ZDHHC9: variants seen among roughly 807,000 people sequenced by gnomAD.
ZDHHC9 encodes the protein palmitoyltransferase ZDHHC9.
A neutral mutation model predicts 26.6 loss-of-function variants in ZDHHC9; 3 were observed. That is an observed-to-expected ratio of 0.11 (90% CI 0.05 to 0.29). The LOEUF is 0.29. Ranked by LOEUF, ZDHHC9 falls within the 10% of genes least tolerant of loss-of-function variation. ZDHHC9 has a pLI of 1.00. For missense variants in ZDHHC9, 146 were observed against 296.4 expected (o/e 0.49, Z 3.73); for synonymous variants, 111 against 109.4 (o/e 1.01, Z -0.09).
Position 129,806,427 on chromosome X carries a change from C to T in ZDHHC9, c.1038G>A (p.Glu346=), listed in dbSNP as rs1283555957. Residue 346 remains glutamate (E), a synonymous_variant, in exon 11 of 11, where the codon GAG becomes GAA. Transcript: ENST00000357166. ...GCTCTGGGGGCTCTGGAGGTGGCAT[C>T]TCTTCGGGAGTGCTGCTGTCCTCCG... ...EMPEDSSTPE[E]MPPPEPPEPP... is the part of the protein sequence containing the mutation. 2 of 1,211,917 alleles carry T rather than the reference C, an allele frequency of 1.7e-6. No individual in the cohort carries two copies. Among genetic ancestry groups the T allele is most frequent in the Admixed American group, 2.2e-5 (1 of 46,034 alleles).
chrX:129,838,001 C>T (rs1928297388), intron 3 of ZDHHC9, among the ~76,000 whole-genome samples: 1 of 112,326 alleles, frequency 8.9e-6, no homozygotes, highest in Non-Finnish European at 1.9e-5. Flanking sequence ...ATGTGTTCAT[C>T]GCACAAGCTG....
At chrX:129,828,835 CGGGGT>C in intron 4 of ZDHHC9, 141 bp downstream of exon 4, 1 of 785,887 alleles carries the variant, frequency 1.3e-6, no homozygotes, top group African/African-American at 2.0e-5. Context: ...ACTAAATTCA[CGGGGT>C]AGTCATGATC....
chrX:129,833,949 C>T (rs1433125922), intron 3 of ZDHHC9, among the ~76,000 whole-genome samples: 3 of 112,100 alleles, frequency 2.7e-5, no homozygotes, highest in Non-Finnish European at 5.6e-5. Context: ...GGCCATCTGT[C>T]CTCTTACTAC....
intron 3 of ZDHHC9, among the ~76,000 whole-genome samples, chrX:129,838,014 T>G (rs1928297954): frequency 8.9e-6 from 1 of 112,397 alleles, no homozygotes; most frequent in Non-Finnish European, 1.9e-5. Flanking sequence ...ACAAGCTGGA[T>G]AGAGCTTAAG....
chrX:129,821,160 G>A (rs1050155031), intron 5 of ZDHHC9, among the ~76,000 whole-genome samples: 20 of 111,849 alleles, frequency 1.8e-4, no homozygotes, highest in Non-Finnish European at 3.2e-4. Context: ...GCAAGGTTGC[G>A]GGGAAATAGG....
At chrX:129,835,598 C>T (rs1466315481) in intron 3 of ZDHHC9, among the ~76,000 whole-genome samples, 3 of 110,902 alleles carry the variant, frequency 2.7e-5, no homozygotes, top group Non-Finnish European at 5.7e-5. Context: ...GCCTGGCCAA[C>T]ACGGAGAAAC....
At position 129,805,819 on chromosome X, in the gene ZDHHC9, C is replaced by T. The variant is rs1294143763; in HGVS notation, c.*551G>A. On this transcript the variant is annotated 3_prime_UTR_variant, in exon 11 of 11. Coordinates refer to ENST00000357166, the MANE Select transcript of ZDHHC9 (RefSeq NM_016032.4). ...TAATAAATACAACAAGTGGAAGGTA[C>T]CTGTCCCATTCCTAAAAGGATTTGT... 13 of 118,663 alleles carry T rather than the reference C, an allele frequency of 1.1e-4. No individual in the cohort carries two copies. Among genetic ancestry groups the T allele is most frequent in the African/African-American group, 3.3e-4 (10 of 30,571 alleles). 9.8% of individuals were successfully genotyped at this position (118,663 alleles called of 1,213,427 possible). A position where few individuals can be genotyped will look rare whatever the true frequency, so the allele number is the denominator to read the frequency against.
At chrX:129,833,917 A>G (rs185873258) in intron 3 of ZDHHC9, among the ~76,000 whole-genome samples, 2 of 111,972 alleles carry the variant, frequency 1.8e-5, no homozygotes, top group Admixed American at 9.4e-5. Flanking sequence ...AGCCTTTGCT[A>G]TAATACCTCC....
chrX:129,829,238 G>T, intron 3 of ZDHHC9, 97 bp from the exon 4 acceptor site: 3 of 978,007 alleles, frequency 3.1e-6, no homozygotes, highest in Non-Finnish European at 2.9e-6. Context: ...AACAGAATCA[G>T]CAGCACCTCA....
intron 3 of ZDHHC9, among the ~76,000 whole-genome samples, chrX:129,830,039 G>T (rs1928107193): frequency 8.9e-6 from 1 of 112,069 alleles, no homozygotes; most frequent in Non-Finnish European, 1.9e-5. Flanking sequence ...GATAGATGAA[G>T]AATCTGAGAC....
At chrX:129,810,050 T>C (rs1469057197) in intron 10 of ZDHHC9, among the ~76,000 whole-genome samples, 1 of 106,711 alleles carries the variant, frequency 9.4e-6, no homozygotes, top group Non-Finnish European at 1.9e-5. Flanking sequence ...ATAAAGTTCT[T>C]ATTAAAAAAA....
chrX:129,826,639 A>G (rs771200651), intron 4 of ZDHHC9, among the ~76,000 whole-genome samples: 9 of 111,132 alleles, frequency 8.1e-5, no homozygotes, highest in Non-Finnish European at 1.7e-4. Flanking sequence ...CCAGATGGAG[A>G]AAAAACAGCA....
chrX:129,825,189 G>C (rs1218247141), intron 4 of ZDHHC9, among the ~76,000 whole-genome samples: 1 of 111,104 alleles, frequency 9.0e-6, no homozygotes, highest in Non-Finnish European at 1.9e-5. Context: ...TGTAATCCCA[G>C]CTACTCTGGA....
intron 3 of ZDHHC9, among the ~76,000 whole-genome samples, chrX:129,835,956 T>C (rs1165064692): frequency 8.9e-6 from 1 of 112,058 alleles, no homozygotes; most frequent in African/African-American, 3.2e-5. Context: ...TTTCTAAAAC[T>C]CATTTGGTTA....
chrX:129,810,931 T>G lies in ZDHHC9; in HGVS notation c.952A>C (p.Ser318Arg). 9.1e-6 allele frequency: 11 copies of G among 1,211,279 alleles called. No homozygotes were observed. The highest frequency in any genetic ancestry group is 1.2e-5 in the Non-Finnish European group (11 of 894,985). Reference protein sequence around the residue: ...GSRPPSTQETSSSLLPQSPAP... With the variant: ...GSRPPSTQETRSSLLPQSPAP... ...GGGCTCTGTGGCAAGAGGCTGCTAC[T>G]GGTCTCTTGAGTACTGGGAGGTCGA... The change falls in exon 10 of 11, where the codon AGT becomes CGT. Residue 318 changes from serine (S) to arginine (R), a missense_variant. Physicochemically the swap from Ser to Arg is moderately radical, Grantham distance 110. Around this residue, in one of 2 missense-constraint regions of ZDHHC9, gnomAD observed 46 missense variants for 46.4 expected, o/e 0.99. Coordinates refer to ENST00000357166, the MANE Select transcript of ZDHHC9 (RefSeq NM_016032.4).
intron 5 of ZDHHC9, 138 bp from the exon 6 acceptor site, chrX:129,814,933 T>G: frequency 1.3e-6 from 1 of 747,170 alleles, no homozygotes; most frequent in South Asian, 2.6e-5. Flanking sequence ...TTTTTTTTTT[T>G]TTTACTTTTT....
At chrX:129,829,769 A>C (rs1928101007) in intron 3 of ZDHHC9, among the ~76,000 whole-genome samples, 1 of 111,767 alleles carries the variant, frequency 8.9e-6, no homozygotes, top group Non-Finnish European at 1.9e-5. Context: ...AAAATCGTTT[A>C]TCCTTAGTAC....
At chrX:129,833,009 G>A (rs1300348005) in intron 3 of ZDHHC9, among the ~76,000 whole-genome samples, 2 of 105,163 alleles carry the variant, frequency 1.9e-5, no homozygotes, top group African/African-American at 7.0e-5. Flanking sequence ...TGTCATCCAC[G>A]AATATAAGCT....
chrX:129,817,432 A>G (rs998837808), intron 5 of ZDHHC9, among the ~76,000 whole-genome samples: 2 of 110,998 alleles, frequency 1.8e-5, no homozygotes, highest in Admixed American at 1.9e-4. Context: ...AGCCTGGGTG[A>G]CAGAGTGAGA....
Sources: allele counts gnomAD v4.1 joint callset (sites outside exome capture counted in the v4.1 genomes callset), GRCh38; gene constraint gnomAD v4.1.1; regional missense constraint gnomAD v4.1.1; transcripts MANE v1.5; gene names NCBI Gene and HGNC (gene_info 2026-07-23, HGNC 2026-07-21).